Variants in RFX6 observed in about 807,000 individuals in gnomAD.
RFX6 encodes the protein DNA-binding protein RFX6.
A neutral mutation model predicts 110.8 loss-of-function variants in RFX6; 50 were observed. The observed-to-expected ratio is 0.45, with a 90% CI of 0.36 to 0.57. The LOEUF (loss-of-function observed/expected upper bound fraction) is 0.57. Among genes scored for constraint, RFX6 ranks in the 20% least tolerant of loss-of-function variants. The probability of loss-of-function intolerance (pLI) is 0.00; values close to 1 mark genes in which losing one functional copy is unlikely to be tolerated. For missense variants in RFX6, 990 were observed against 1,127.0 expected (o/e 0.88, Z 1.74); for synonymous variants, 383 against 411.2 (o/e 0.93, Z 0.83).
chr6:116,927,397 G>A lies in RFX6; in HGVS notation c.2256G>A (p.Arg752=). The A allele has an allele frequency of 6.2e-7, 1 of 1,614,066 alleles. No homozygotes were observed. The highest frequency in any genetic ancestry group is 8.5e-7 in the Non-Finnish European group (1 of 1,179,992). The change falls in exon 17 of 19, where the codon CGG becomes CGA. Residue 752 remains arginine, a synonymous_variant. Transcript: ENST00000332958. ...GTGCGGGGTCTCCATATAACTCCCGGCCACCGTCTAGCTATGGCCCATCCC... is the reference window on the plus strand; with the variant it reads ...GTGCGGGGTCTCCATATAACTCCCGACCACCGTCTAGCTATGGCCCATCCC... The part of the protein sequence containing the change: ...GSCAGSPYNS[R]PPSSYGPSLQ...
intron 18 of RFX6, 42 bp from the exon 19 acceptor site, chr6:116,931,284 GAAAAT>G: frequency 7.0e-7 from 1 of 1,428,252 alleles, no homozygotes. Context: ...GCAGAGAAAA[GAAAAT>G]GTCAATCAAT....
In RFX6 at chr6:116,914,115, C is replaced by G. The variant is rs181944934; in HGVS notation, c.781-1893C>G. 1.1e-3 allele frequency among the ~76,000 whole-genome samples: 160 copies of G among 152,260 alleles called. 5 individuals carry two copies. The East Asian group carries it at 0.021, about 20-fold the overall frequency. On this transcript the variant is annotated intron_variant, in intron 7 of 18. Transcript: ENST00000332958. ...CCTCTTTCCGACCTCTGGTAACCAC[C>G]AGTCTACTCGCTACCTTCATGAGAT...
At chr6:116,916,418 G>A in intron 9 of RFX6, 104 bp downstream of exon 9, 1 of 785,270 alleles carries the variant, frequency 1.3e-6, no homozygotes, top group Non-Finnish European at 2.2e-6. Flanking sequence ...ATTTATGGCT[G>A]GATATACACT....
Position 116,927,316 on chromosome 6 carries a change from T to G in RFX6, c.2175T>G (p.Gly725=). ...TCTATCCTCATCACACCGAGCATGGTCGATGCATGGCTTGGACTGAACAGC... is the reference window on the plus strand; with the variant it reads ...TCTATCCTCATCACACCGAGCATGGGCGATGCATGGCTTGGACTGAACAGC... The part of the protein sequence containing the change: ...SGLYPHHTEH[G]RCMAWTEQQL... Residue 725 remains glycine, a synonymous_variant, in exon 17 of 19, where the codon GGT becomes GGG. Coordinates refer to ENST00000332958, the MANE Select transcript of RFX6 (RefSeq NM_173560.4). 1 of 1,614,172 alleles carries G rather than the reference T, an allele frequency of 6.2e-7. No homozygotes were observed. Among genetic ancestry groups the G allele is most frequent in the Non-Finnish European group, 8.5e-7 (1 of 1,180,026 alleles).
Position 116,927,237 on chromosome 6 carries a change from C to A in RFX6, c.2096C>A (p.Thr699Asn). Residue 699 changes from threonine (T) to asparagine (N), a missense_variant, in exon 17 of 19, where the codon ACC (threonine) becomes AAC (asparagine). Transcript: ENST00000332958. ...LPQANHDFYS[T>N]SSNYQTVFRA... ...CAAGCCAATCATGACTTTTATAGCA[C>A]CAGCTCTAACTACCAGACTGTGTTT... 1 of 1,614,170 alleles carries A rather than the reference C, an allele frequency of 6.2e-7. No individual in the cohort carries two copies. Among genetic ancestry groups the A allele is most frequent in the Non-Finnish European group, 8.5e-7 (1 of 1,180,010 alleles).
intron 6 of RFX6, among the ~76,000 whole-genome samples, chr6:116,900,487 T>C (rs1386904831): frequency 6.6e-6 from 1 of 152,176 alleles, no homozygotes; most frequent in Non-Finnish European, 1.5e-5. Context: ...ACTCCTGACC[T>C]CAGGTGATCT....
intron 6 of RFX6, among the ~76,000 whole-genome samples, chr6:116,907,107 C>T (rs1401541163): frequency 2.0e-5 from 3 of 147,972 alleles, no homozygotes; most frequent in Non-Finnish European, 4.5e-5. Context: ...AATACTTTTT[C>T]TGTACCTAAT....
intron 6 of RFX6, among the ~76,000 whole-genome samples, chr6:116,896,234 C>T (rs759649125): frequency 6.6e-6 from 1 of 152,118 alleles, no homozygotes; most frequent in Non-Finnish European, 1.5e-5. Flanking sequence ...AATGGCAAGC[C>T]TTGTTTCATG....
At chr6:116,891,828 A>G (rs189280479) in intron 4 of RFX6, among the ~76,000 whole-genome samples, 1 of 152,274 alleles carries the variant, frequency 6.6e-6, no homozygotes, top group African/African-American at 2.4e-5. Flanking sequence ...GTTTCTAATT[A>G]GAGACATACT....
At chr6:116,921,367 T>G (rs372057632) in intron 12 of RFX6, among the ~76,000 whole-genome samples, 13 of 152,302 alleles carry the variant, frequency 8.5e-5, no homozygotes, top group African/African-American at 2.6e-4. Context: ...TAAAAGATAT[T>G]TTGGAAAGCA....
intron 6 of RFX6, among the ~76,000 whole-genome samples, chr6:116,908,535 T>TA (rs1274255624): frequency 6.6e-6 from 1 of 152,064 alleles, no homozygotes; most frequent in Non-Finnish European, 1.5e-5. Flanking sequence ...TAGTGTTGAG[T>TA]AAAAAAGGTG....
intron 6 of RFX6, among the ~76,000 whole-genome samples, chr6:116,898,012 A>C (rs768597308): frequency 1.7e-3 from 253 of 152,220 alleles, no homozygotes; most frequent in Non-Finnish European, 2.2e-3. Context: ...GTGAAAAGTG[A>C]GAGAGGAAGA....
chr6:116,930,789 G>T (rs965469099), intron 18 of RFX6, among the ~76,000 whole-genome samples: 5 of 152,086 alleles, frequency 3.3e-5, no homozygotes, highest in African/African-American at 1.2e-4. Context: ...GAAGGAGAGA[G>T]TAGAGCAAAA....
intron 16 of RFX6, 99 bp downstream of exon 16, chr6:116,925,758 A>C: frequency 1.3e-6 from 1 of 793,530 alleles, no homozygotes. Context: ...GAATTCCAAC[A>C]ATAAAAAAGG....
intron 4 of RFX6, among the ~76,000 whole-genome samples, chr6:116,883,082 A>G (rs905914701): frequency 2.0e-5 from 3 of 152,140 alleles, no homozygotes; most frequent in Non-Finnish European, 4.4e-5. Context: ...GAGCATGTCC[A>G]GATCTCCTTT....
At chr6:116,916,383 G>T (rs904416029) in intron 9 of RFX6, 69 bp downstream of exon 9, 2 of 950,028 alleles carry the variant, frequency 2.1e-6, no homozygotes, top group South Asian at 2.6e-5. Flanking sequence ...CTAAATTCTT[G>T]CAATATATTT....
chr6:116,905,984 T>A (rs183229512), intron 6 of RFX6, among the ~76,000 whole-genome samples: 3 of 152,240 alleles, frequency 2.0e-5, no homozygotes, highest in Admixed American at 2.0e-4. Context: ...TAGTTTTAGC[T>A]CCTACATTTA....
intron 7 of RFX6, among the ~76,000 whole-genome samples, chr6:116,914,758 A>C (rs1317575934): frequency 6.6e-6 from 1 of 152,188 alleles, no homozygotes; most frequent in Non-Finnish European, 1.5e-5. Context: ...CATCACCACC[A>C]CCACTCTAGA....
intron 4 of RFX6, among the ~76,000 whole-genome samples, chr6:116,889,035 G>T (rs1447202932): frequency 6.6e-6 from 1 of 152,088 alleles, no homozygotes; most frequent in Non-Finnish European, 1.5e-5. Context: ...TTATTTTGTT[G>T]GCTCCAGAAG....
Sources: gnomAD v4.1 joint callset for allele counts (sites outside exome capture counted in the v4.1 genomes callset) on GRCh38, gnomAD v4.1.1 for gene constraint, MANE v1.5 for transcripts, NCBI Gene and HGNC (gene_info 2026-07-23, HGNC 2026-07-21) for gene names.